The following ATRNL1 variants were observed in gnomAD, a reference collection of about 807,000 sequenced individuals.
ATRNL1 encodes the protein attractin like 1.
A neutral mutation model predicts 182.7 loss-of-function variants in ATRNL1; 95 were observed. The ratio of observed to expected loss-of-function variants is 0.52; its 90% confidence interval spans 0.44 to 0.62. The LOEUF (loss-of-function observed/expected upper bound fraction) is 0.62, where lower values mean the gene tolerates loss of function less well. Among genes scored for constraint, ATRNL1 ranks in the 20% least tolerant of loss-of-function variants. ATRNL1 has a pLI of 0.00. For missense variants in ATRNL1, 1,471 were observed against 1,679.5 expected, an observed-to-expected ratio of 0.88 and a Z score of 2.17; for synonymous variants, 576 against 568.3, an observed-to-expected ratio of 1.01 and a Z score of -0.19.
intron 28 of ATRNL1, among the ~76,000 whole-genome samples, chr10:115,938,810 G>A (rs1555123474): frequency 6.6e-6 from 1 of 152,062 alleles, no homozygotes; most frequent in African/African-American, 2.4e-5. Flanking sequence ...GGTGATCTCA[G>A]AAATTGAGAG....
chr10:115,878,223 A>G (rs2615885), intron 28 of ATRNL1, among the ~76,000 whole-genome samples: 148,572 of 152,346 alleles, frequency 0.98, 72,558 homozygotes, highest in East Asian at 1. Context: ...GGCCAGCCTC[A>G]CCATACTGGC....
intron 26 of ATRNL1, among the ~76,000 whole-genome samples, chr10:115,610,023 T>A (rs919990728): frequency 6.6e-6 from 1 of 152,204 alleles, no homozygotes; most frequent in South Asian, 2.1e-4. Flanking sequence ...GTATTTACCA[T>A]GTATTATGCT....
intron 28 of ATRNL1, among the ~76,000 whole-genome samples, chr10:115,905,058 T>G (rs1555114264): frequency 3.9e-5 from 6 of 152,120 alleles, no homozygotes; most frequent in African/African-American, 1.4e-4. Flanking sequence ...AATAAATCCT[T>G]AAAAATCTCA....
intron 26 of ATRNL1, among the ~76,000 whole-genome samples, chr10:115,632,821 T>G (rs1482019478): frequency 6.7e-6 from 1 of 149,728 alleles, no homozygotes; most frequent in Non-Finnish European, 1.5e-5. Context: ...CTTTAAAAAA[T>G]GAGTCAATAT....
chr10:115,145,460 G>C (rs1845933160), intron 5 of ATRNL1, among the ~76,000 whole-genome samples: 1 of 152,074 alleles, frequency 6.6e-6, no homozygotes, highest in Non-Finnish European at 1.5e-5. Flanking sequence ...AACAGATCTA[G>C]TATAATGATT....
intron 9 of ATRNL1, among the ~76,000 whole-genome samples, chr10:115,218,966 G>C (rs1849336057): frequency 6.6e-6 from 1 of 152,194 alleles, no homozygotes. Context: ...GCCGGGTACA[G>C]TGGCTCACGC....
At chr10:115,571,592 T>G (rs569880542) in intron 26 of ATRNL1, among the ~76,000 whole-genome samples, 3 of 152,200 alleles carry the variant, frequency 2.0e-5, no homozygotes, top group Non-Finnish European at 4.4e-5. Context: ...CTTCTCATTT[T>G]TTGCTTGTGT....
chr10:115,174,900 A>G (rs1244056965), intron 8 of ATRNL1, among the ~76,000 whole-genome samples: 9 of 152,074 alleles, frequency 5.9e-5, no homozygotes, highest in South Asian at 4.1e-4. Context: ...TCATGCCCCA[A>G]AGTAGCCTGA....
intron 24 of ATRNL1, among the ~76,000 whole-genome samples, chr10:115,518,019 T>A (rs370245579): frequency 1.3e-5 from 2 of 151,976 alleles, no homozygotes; most frequent in East Asian, 3.8e-4. Flanking sequence ...AGGAAATGAA[T>A]ATTACTATAT....
chr10:115,526,884 T>C (rs955108704), intron 25 of ATRNL1, among the ~76,000 whole-genome samples: 1 of 152,046 alleles, frequency 6.6e-6, no homozygotes, highest in African/African-American at 2.4e-5. Context: ...TGCAGGGCAC[T>C]TCTAAGAATG....
At chr10:115,184,363 T>TAC (rs1215418796) in intron 8 of ATRNL1, among the ~76,000 whole-genome samples, 7 of 151,188 alleles carry the variant, frequency 4.6e-5, no homozygotes, top group Admixed American at 1.3e-4. Flanking sequence ...TATATATATA[T>TAC]ACACACACAT....
chr10:115,390,180 G>T (rs1554954033), intron 19 of ATRNL1, among the ~76,000 whole-genome samples: 1 of 151,918 alleles, frequency 6.6e-6, no homozygotes, highest in Non-Finnish European at 1.5e-5. Context: ...TTCCTTTATT[G>T]TGCTTAAGAT....
At chr10:115,620,239 C>G (rs550291143) in intron 26 of ATRNL1, among the ~76,000 whole-genome samples, 47 of 152,206 alleles carry the variant, frequency 3.1e-4, no homozygotes, top group Non-Finnish European at 5.4e-4. Flanking sequence ...AGGTCTCAGA[C>G]TCTTTTCAAG....
At chr10:115,120,362 A>T in intron 2 of ATRNL1, 94 bp downstream of exon 2, 1 of 637,318 alleles carries the variant, frequency 1.6e-6, no homozygotes, top group East Asian at 3.2e-5. Flanking sequence ...TAATTACTTT[A>T]TCATTTAGTT....
intron 17 of ATRNL1, among the ~76,000 whole-genome samples, chr10:115,313,180 CT>C (rs35375619): frequency 0.97 from 147,140 of 151,990 alleles, 71,242 homozygotes; most frequent in East Asian, 1. Context: ...CTAGTGTGAT[CT>C]TTTTGGCAGT....
Position 115,617,589 on chromosome 10 carries a change from A to C in ATRNL1, c.3795+68053A>C, listed in dbSNP as rs1278087891. ...TGGCCAAGATGGTTGTGATTTCCTC[A>C]TCTCATGATCCACCTGCCTCAGCCT... On this transcript the variant is annotated intron_variant, in intron 26 of 28. Transcript: ENST00000355044. Among the ~76,000 whole-genome samples, 3 of 151,562 alleles carry C rather than the reference A, an allele frequency of 2.0e-5. No homozygotes were observed. The South Asian group carries it at 6.3e-4, about 32-fold the overall frequency.
intron 28 of ATRNL1, among the ~76,000 whole-genome samples, chr10:115,941,796 A>G (rs1373821305): frequency 6.6e-6 from 1 of 152,224 alleles, no homozygotes; most frequent in Non-Finnish European, 1.5e-5. Flanking sequence ...GCAATTTTAA[A>G]AATAATAACA....
intron 26 of ATRNL1, among the ~76,000 whole-genome samples, chr10:115,669,090 T>C (rs1555040616): frequency 1.3e-5 from 2 of 152,114 alleles, no homozygotes; most frequent in Non-Finnish European, 2.9e-5. Context: ...CACCACATTG[T>C]TTTCTTTTAT....
chr10:115,399,631 T>C (rs1844462084), intron 20 of ATRNL1, among the ~76,000 whole-genome samples: 1 of 151,936 alleles, frequency 6.6e-6, no homozygotes, highest in Non-Finnish European at 1.5e-5. Flanking sequence ...GATGCATTGA[T>C]CTTTTTATCT....
Sources: gnomAD v4.1 joint callset for allele counts (sites outside exome capture counted in the v4.1 genomes callset) on GRCh38, gnomAD v4.1.1 for gene constraint, MANE v1.5 for transcripts, NCBI Gene and HGNC (gene_info 2026-07-23, HGNC 2026-07-21) for gene names.